The following ST6GALNAC5 variants were observed in gnomAD, a reference collection of about 807,000 sequenced individuals.
The protein encoded by ST6GALNAC5 is alpha-N-acetylgalactosaminide alpha-2,6-sialyltransferase 5.
A neutral mutation model predicts 33.6 loss-of-function variants in ST6GALNAC5; 27 were observed. The observed-to-expected ratio is 0.80, with a 90% CI of 0.59 to 1.11. The LOEUF (loss-of-function observed/expected upper bound fraction) is 1.11. Ranked by LOEUF, ST6GALNAC5 falls within the 50% of genes least tolerant of loss-of-function variation. The pLI, the probability that ST6GALNAC5 is intolerant of heterozygous loss-of-function variation, is 0.00. For synonymous variants in ST6GALNAC5, 194 were observed against 171.2 expected, an observed-to-expected ratio of 1.13 and a Z score of -1.04; for missense variants, 428 against 454.0, an observed-to-expected ratio of 0.94 and a Z score of 0.52.
chr1:77,052,803 C>A (rs1246661434), intron 4 of ST6GALNAC5, among the ~76,000 whole-genome samples: 1 of 151,216 alleles, frequency 6.6e-6, no homozygotes, highest in African/African-American at 2.4e-5. Flanking sequence ...CCTGTAATCC[C>A]AGCTACTCGG....
chr1:77,050,483 C>A, intron 4 of ST6GALNAC5, 118 bp downstream of exon 4: 2 of 868,624 alleles, frequency 2.3e-6, no homozygotes, highest in Admixed American at 2.2e-5. Flanking sequence ...AATTAATTAG[C>A]ATGTCCCAAG....
At chr1:76,969,480 C>T (rs150645299) in intron 2 of ST6GALNAC5, among the ~76,000 whole-genome samples, 4 of 152,178 alleles carry the variant, frequency 2.6e-5, no homozygotes, top group Non-Finnish European at 5.9e-5. Context: ...GGGAGAGGGG[C>T]ATCTGCCATT....
At chr1:76,952,309 T>C (rs1004502114) in intron 2 of ST6GALNAC5, among the ~76,000 whole-genome samples, 2 of 152,110 alleles carry the variant, frequency 1.3e-5, no homozygotes, top group African/African-American at 4.8e-5. Flanking sequence ...TATGTGCGTG[T>C]ATGTCCCCAA....
At chr1:76,974,575 T>C (rs1198910036) in intron 2 of ST6GALNAC5, among the ~76,000 whole-genome samples, 1 of 151,864 alleles carries the variant, frequency 6.6e-6, no homozygotes, top group Non-Finnish European at 1.5e-5. Context: ...TCTTGGTACA[T>C]TTTTGCATAG....
At chr1:77,045,639 A>G (rs1049201770) in intron 3 of ST6GALNAC5, among the ~76,000 whole-genome samples, 4 of 152,194 alleles carry the variant, frequency 2.6e-5, no homozygotes, top group African/African-American at 9.7e-5. Context: ...GACCCAGGGC[A>G]ATAAGTCTTG....
intron 4 of ST6GALNAC5, among the ~76,000 whole-genome samples, chr1:77,057,236 C>T (rs1652431554): frequency 6.6e-6 from 1 of 152,154 alleles, no homozygotes; most frequent in Admixed American, 6.5e-5. Context: ...TCTGCATAGT[C>T]CAGCCCCAAA....
intron 2 of ST6GALNAC5, among the ~76,000 whole-genome samples, chr1:76,954,205 G>A (rs1194576284): frequency 2.0e-5 from 3 of 152,080 alleles, no homozygotes; most frequent in Non-Finnish European, 2.9e-5. Context: ...GCCTTAAAAA[G>A]GAGCGAGATT....
intron 2 of ST6GALNAC5, among the ~76,000 whole-genome samples, chr1:76,999,535 A>C (rs1041652727): frequency 2.7e-5 from 4 of 150,574 alleles, no homozygotes; most frequent in Non-Finnish European, 5.9e-5. Flanking sequence ...ACATGTGCAC[A>C]TTGTGCAGGT....
chr1:76,894,863 A>C (rs1413977331), intron 2 of ST6GALNAC5, among the ~76,000 whole-genome samples: 1 of 152,224 alleles, frequency 6.6e-6, no homozygotes, highest in Non-Finnish European at 1.5e-5. Flanking sequence ...GTGAGCAATA[A>C]AGCTGTTTAT....
At position 76,868,514 on chromosome 1, in the gene ST6GALNAC5, G is replaced by A; in HGVS notation, c.33G>A (p.Val11=). 6.2e-7 allele frequency: 1 copy of A among 1,609,268 alleles called. No homozygotes were observed. The highest frequency in any genetic ancestry group is 8.5e-7 in the Non-Finnish European group (1 of 1,177,088). MKTLMRHGLA[V]CLALTTMCTS... ...GCCCGCAGCGCCATGGTCTGGCAGT[G>A]TGTTTAGCGCTCACCACCATGTGCA... is the stretch of plus-strand genomic sequence containing the variant. Residue 11 remains valine, a synonymous_variant, in exon 2 of 5, where the codon GTG becomes GTA. Coordinates refer to ENST00000477717, the MANE Select transcript of ST6GALNAC5 (RefSeq NM_030965.3). The surrounding 1 kb of genome is among the most constrained non-coding windows in gnomAD (Gnocchi z 4.3).
chr1:76,880,973 G>A (rs1653766200), intron 2 of ST6GALNAC5, among the ~76,000 whole-genome samples: 1 of 152,094 alleles, frequency 6.6e-6, no homozygotes, highest in South Asian at 2.1e-4. Context: ...CAAATACTAG[G>A]ATTATGGAAG....
At chr1:76,983,367 G>C (rs886818243) in intron 2 of ST6GALNAC5, among the ~76,000 whole-genome samples, 1 of 152,088 alleles carries the variant, frequency 6.6e-6, no homozygotes, top group African/African-American at 2.4e-5. Flanking sequence ...TGCAATCCTA[G>C]TCTCTGATAA....
chr1:76,979,146 CAT>C (rs1649143808), intron 2 of ST6GALNAC5, among the ~76,000 whole-genome samples: 1 of 151,886 alleles, frequency 6.6e-6, no homozygotes, highest in Admixed American at 6.6e-5. Context: ...GGAAAGGTAA[CAT>C]GTGATTATGG....
intron 2 of ST6GALNAC5, among the ~76,000 whole-genome samples, chr1:77,001,701 G>C (rs924201438): frequency 3.8e-4 from 58 of 151,412 alleles, no homozygotes; most frequent in Non-Finnish European, 6.6e-4. Context: ...TAGCATGAAG[G>C]GTTGTTGAAT....
At chr1:77,033,610 C>A (rs1052013689) in intron 2 of ST6GALNAC5, among the ~76,000 whole-genome samples, 3 of 151,856 alleles carry the variant, frequency 2.0e-5, no homozygotes, top group Non-Finnish European at 4.4e-5. Flanking sequence ...GGGGTAACAT[C>A]GTTGTTATAG....
intron 2 of ST6GALNAC5, among the ~76,000 whole-genome samples, chr1:77,002,269 T>C (rs1372201896): frequency 6.6e-6 from 1 of 151,922 alleles, no homozygotes; most frequent in African/African-American, 2.4e-5. Flanking sequence ...TTTTCTAGTT[T>C]ATTTGCATAG....
chr1:76,952,591 G>T (rs936981256), intron 2 of ST6GALNAC5, among the ~76,000 whole-genome samples: 4 of 151,778 alleles, frequency 2.6e-5, no homozygotes, highest in African/African-American at 9.7e-5. Context: ...TGAGATGATG[G>T]GTATGCCAAT....
intron 2 of ST6GALNAC5, among the ~76,000 whole-genome samples, chr1:76,984,548 A>G (rs1270193548): frequency 6.6e-6 from 1 of 152,214 alleles, no homozygotes; most frequent in Non-Finnish European, 1.5e-5. Flanking sequence ...AAAAAATTCC[A>G]GGACCAGAAG....
At chr1:76,892,246 C>A (rs1053911532) in intron 2 of ST6GALNAC5, among the ~76,000 whole-genome samples, 6 of 152,142 alleles carry the variant, frequency 3.9e-5, no homozygotes, top group African/African-American at 1.4e-4. Context: ...AAAGACTATA[C>A]CTCTTTTATG....
Sources: allele counts gnomAD v4.1 joint callset (sites outside exome capture counted in the v4.1 genomes callset), GRCh38; gene constraint gnomAD v4.1.1; non-coding constraint Gnocchi (gnomAD v3.1); transcripts MANE v1.5; gene names NCBI Gene and HGNC (gene_info 2026-07-23, HGNC 2026-07-21).